Variants in PRTG observed in about 807,000 individuals in gnomAD.
The protein encoded by PRTG is protogenin.
Under a neutral mutation model 122.5 loss-of-function variants are expected in PRTG, and 67 were observed. The ratio of observed to expected loss-of-function variants is 0.55; its 90% CI spans 0.45 to 0.67. The LOEUF (loss-of-function observed/expected upper bound fraction) is 0.67, where lower values mean the gene tolerates loss of function less well. Among genes scored for constraint, PRTG ranks in the 30% least tolerant of loss-of-function variants. The pLI is 0.00. For missense variants in PRTG, 1,435 were observed against 1,415.4 expected (o/e 1.01, Z -0.22); for synonymous variants, 554 against 501.1 (o/e 1.11, Z -1.41).
chr15:55,664,325 T>C (rs2059426190), intron 11 of PRTG, among the ~76,000 whole-genome samples: 2 of 152,114 alleles, frequency 1.3e-5, no homozygotes, highest in South Asian at 4.2e-4. Flanking sequence ...TTATTTTTAG[T>C]AGAGATGGGG....
At chr15:55,661,356 C>A (rs1423122253) in intron 11 of PRTG, among the ~76,000 whole-genome samples, 1 of 152,174 alleles carries the variant, frequency 6.6e-6, no homozygotes, top group Non-Finnish European at 1.5e-5. Context: ...ACCTTATAAA[C>A]TGATTAAAAC....
rs184951996 is a variant in PRTG, at chr15:55,620,127, T to C, written c.3338A>G (p.His1113Arg). ...RPFGVAADTE[H>R]SANSEGSHET... ...ATGGCTGCCTTCACTATTTGCTGAA[T>C]GTTCTGTATCAGCTGCAACACCAAA... Residue 1113 changes from histidine (H) to arginine (R), a missense_variant, in exon 20 of 20, where the codon CAT becomes CGT. His to Arg is a conservative substitution (Grantham distance 29, BLOSUM62 0). Coordinates refer to ENST00000389286, the MANE Select transcript of PRTG (RefSeq NM_173814.6). 1.8e-4 allele frequency: 286 copies of C among 1,614,206 alleles called. 1 individual carries two copies. Among genetic ancestry groups the C allele is most frequent in the Non-Finnish European group, 5.0e-5 (59 of 1,180,042 alleles).
intron 2 of PRTG, among the ~76,000 whole-genome samples, chr15:55,727,189 C>A (rs2031065900): frequency 6.7e-6 from 1 of 149,586 alleles, no homozygotes; most frequent in Non-Finnish European, 1.5e-5. Context: ...ATAAAAAAAA[C>A]AAAGAAATAA....
chr15:55,626,955 C>T (rs2059198291), intron 17 of PRTG, 53 bp downstream of exon 17: 11 of 1,518,000 alleles, frequency 7.2e-6, no homozygotes, highest in Non-Finnish European at 9.7e-6. Context: ...TTTCCTGTGG[C>T]TACCGTAATT....
At chr15:55,641,237 G>T in intron 11 of PRTG, 29 bp from the exon 12 acceptor site, 1 of 1,512,784 alleles carries the variant, frequency 6.6e-7, no homozygotes, top group Non-Finnish European at 9.2e-7. Flanking sequence ...GAAATAATTA[G>T]GACCAGGTCT....
At chr15:55,655,696 C>T (rs1299763196) in intron 11 of PRTG, 2 of 152,188 alleles carry the variant, frequency 1.3e-5, no homozygotes, top group Non-Finnish European at 2.9e-5. Flanking sequence ...GTATAAGAAA[C>T]TGATGTTCTG....
At chr15:55,731,955 C>T (rs1320506604) in intron 2 of PRTG, among the ~76,000 whole-genome samples, 1 of 152,174 alleles carries the variant, frequency 6.6e-6, no homozygotes, top group African/African-American at 2.4e-5. Flanking sequence ...ATGGTATAGC[C>T]TACTACACAC....
At chr15:55,689,085 C>G (rs369038600) in intron 2 of PRTG, among the ~76,000 whole-genome samples, 5 of 152,168 alleles carry the variant, frequency 3.3e-5, no homozygotes, top group African/African-American at 1.2e-4. Context: ...CACTATCAGC[C>G]TCTTATCTTG....
Position 55,620,659 on chromosome 15 carries a change from T to C in PRTG, c.3198+4A>G. ...CAAAAATTTTTCTCATTTAGATAGG[T>C]TACCTGCTCAACTTGTATCTTCTTT... On this transcript the variant is annotated splice_donor_region_variant and intron_variant, in intron 19 of 19. Coordinates refer to ENST00000389286, the MANE Select transcript of PRTG (RefSeq NM_173814.6). 1.3e-6 allele frequency: 2 copies of C among 1,580,002 alleles called. No homozygotes were observed. The highest frequency in any genetic ancestry group is 1.7e-6 in the Non-Finnish European group (2 of 1,171,200).
chr15:55,633,355 G>A (rs2059238408), intron 15 of PRTG, among the ~76,000 whole-genome samples: 1 of 152,068 alleles, frequency 6.6e-6, no homozygotes, highest in South Asian at 2.1e-4. Flanking sequence ...GACTACAGGT[G>A]CATGCCACCA....
chr15:55,667,207 GA>G (rs34815542), intron 11 of PRTG, among the ~76,000 whole-genome samples: 43,164 of 143,742 alleles, frequency 0.3, 6,410 homozygotes, highest in East Asian at 0.52. Flanking sequence ...AATAATTTAA[GA>G]AAAAAAAAAA....
chr15:55,704,848 G>A (rs2030036547), intron 2 of PRTG, among the ~76,000 whole-genome samples: 1 of 152,176 alleles, frequency 6.6e-6, no homozygotes, highest in Non-Finnish European at 1.5e-5. Flanking sequence ...TATATAGACA[G>A]ACAGATAGAT....
At chr15:55,691,481 A>G (rs1168345893) in intron 2 of PRTG, among the ~76,000 whole-genome samples, 1 of 151,748 alleles carries the variant, frequency 6.6e-6, no homozygotes, top group East Asian at 2.0e-4. Flanking sequence ...AGGAAATCAA[A>G]ACCATCCTGA....
intron 11 of PRTG, among the ~76,000 whole-genome samples, chr15:55,646,090 T>C (rs557148828): frequency 1.1e-4 from 16 of 151,396 alleles, no homozygotes; most frequent in Admixed American, 8.6e-4. Context: ...CACCGCAACC[T>C]CCTCCTCCCG....
intron 2 of PRTG, among the ~76,000 whole-genome samples, chr15:55,696,468 C>A (rs951981453): frequency 2.6e-5 from 4 of 152,182 alleles, no homozygotes; most frequent in Non-Finnish European, 5.9e-5. Flanking sequence ...CACTCTGAGG[C>A]TTCCTACTTG....
At chr15:55,699,778 A>G (rs955181987) in intron 2 of PRTG, among the ~76,000 whole-genome samples, 3 of 152,198 alleles carry the variant, frequency 2.0e-5, no homozygotes, top group Non-Finnish European at 4.4e-5. Flanking sequence ...ACAAATCTAG[A>G]GCAGAGAACC....
At chr15:55,724,499 C>A (rs1418104133) in intron 2 of PRTG, among the ~76,000 whole-genome samples, 1 of 152,038 alleles carries the variant, frequency 6.6e-6, no homozygotes, top group Admixed American at 6.6e-5. Context: ...ATGTGTAACC[C>A]CAGCATTTTG....
chr15:55,682,480 G>A lies in PRTG; in HGVS notation c.560C>T (p.Thr187Ile), dbSNP rs371065492. The change falls in exon 4 of 20, where the codon ACA becomes ATA. Residue 187 changes from threonine (T) to isoleucine (I), a missense_variant. By Grantham distance (89) the Thr-to-Ile change is moderately conservative. Transcript: ENST00000389286. ...MTMDRITALP[T>I]GVLQIYDVSQ... Reference sequence around the variant, plus strand: ...GACATCATAGATCTGCAATACTCCTGTTGGTAGGGCAGTTATCCTGTTATG... The same window carrying A: ...GACATCATAGATCTGCAATACTCCTATTGGTAGGGCAGTTATCCTGTTATG... 9 of 1,561,134 alleles carry A rather than the reference G, an allele frequency of 5.8e-6. No homozygotes were observed. The Middle Eastern group carries it at 5.1e-4, about 89-fold the overall frequency.
chr15:55,630,266 A>G (rs1192264407), intron 15 of PRTG, among the ~76,000 whole-genome samples: 1 of 151,846 alleles, frequency 6.6e-6, no homozygotes, highest in East Asian at 1.9e-4. Flanking sequence ...GATTACAGGC[A>G]TGAGCCACCA....
Sources: allele counts gnomAD v4.1 joint callset (sites outside exome capture counted in the v4.1 genomes callset), GRCh38; gene constraint gnomAD v4.1.1; transcripts MANE v1.5; gene names NCBI Gene and HGNC (gene_info 2026-07-23, HGNC 2026-07-21).